ZMYND8: variants seen among roughly 807,000 people sequenced by gnomAD.
The protein encoded by ZMYND8 is MYND-type zinc finger-containing chromatin reader ZMYND8.
ZMYND8 carries 37 observed loss-of-function variants against 140.8 expected under a neutral mutation model. That is an observed-to-expected ratio of 0.26 (90% CI 0.20 to 0.35). The LOEUF (loss-of-function observed/expected upper bound fraction) is 0.35, where lower values mean the gene tolerates loss of function less well. ZMYND8 is among the 10% of genes least tolerant of loss of function. The pLI, the probability that ZMYND8 is intolerant of heterozygous loss-of-function variation, is 1.00. For synonymous variants in ZMYND8, 592 were observed against 597.1 expected (o/e 0.99, Z 0.12); for missense variants, 1,068 against 1,570.0 (o/e 0.68, Z 5.40).
At chr20:47,313,123 G>A (rs1000831122) in intron 2 of ZMYND8, among the ~76,000 whole-genome samples, 1 of 151,832 alleles carries the variant, frequency 6.6e-6, no homozygotes, top group African/African-American at 2.4e-5. Flanking sequence ...CCAGCACTTT[G>A]AGAGGCCGAG....
intron 19 of ZMYND8, among the ~76,000 whole-genome samples, chr20:47,222,848 G>A (rs556643596): frequency 6.6e-6 from 1 of 152,358 alleles, no homozygotes; most frequent in Admixed American, 6.5e-5. Flanking sequence ...AGCTAGTGCT[G>A]CCTGTTTTAT....
intron 17 of ZMYND8, 122 bp from the exon 18 acceptor site, chr20:47,227,403 T>C (rs1262690997): frequency 3.3e-6 from 3 of 911,738 alleles, no homozygotes; most frequent in South Asian, 2.9e-5. Context: ...CCCACAGCTA[T>C]AGTCCAGAGA....
chr20:47,315,113 GA>G (rs953291620), intron 2 of ZMYND8, among the ~76,000 whole-genome samples: 10 of 151,580 alleles, frequency 6.6e-5, no homozygotes, highest in East Asian at 3.9e-4. Flanking sequence ...GAGAAAGTGG[GA>G]AAAAAAATCA....
chr20:47,293,175 G>GCA (rs2077403927), intron 5 of ZMYND8, among the ~76,000 whole-genome samples: 1 of 31,330 alleles, frequency 3.2e-5, no homozygotes, highest in African/African-American at 1.8e-4. Flanking sequence ...AGGGAGGGAG[G>GCA]GAGGGAGGGA....
chr20:47,218,171 C>T (rs1480515072), intron 21 of ZMYND8, among the ~76,000 whole-genome samples: 3 of 152,218 alleles, frequency 2.0e-5, no homozygotes, highest in East Asian at 3.8e-4. Context: ...GGTAATACTC[C>T]TCCAGCTCAG....
At chr20:47,212,474 C>T (rs1354322942) in intron 22 of ZMYND8, among the ~76,000 whole-genome samples, 168 bp downstream of exon 22, 2 of 152,168 alleles carry the variant, frequency 1.3e-5, no homozygotes, top group African/African-American at 4.8e-5. Flanking sequence ...TTTGTGATGG[C>T]GACCAGAGGC....
chr20:47,331,633 G>C (rs954440276), intron 2 of ZMYND8, among the ~76,000 whole-genome samples: 5 of 152,074 alleles, frequency 3.3e-5, no homozygotes, highest in African/African-American at 4.8e-5. Flanking sequence ...AGCAACTCCA[G>C]CATTTAATGG....
chr20:47,238,998 C>T lies in ZMYND8; in HGVS notation c.2425G>A (p.Ala809Thr). 1 of 1,608,192 alleles carries T rather than the reference C, an allele frequency of 6.2e-7. No homozygotes were observed. ...TSTSSTVTVTAPAPAATGSPV... is the reference protein window; with the variant it reads ...TSTSSTVTVTTPAPAATGSPV... The stretch of plus-strand genomic sequence containing the variant: ...CTTCCTGTGGCGGCGGGGGCCGGGG[C>T]CGTGACGGTGACCGTGGAGGACGTG... The change falls in exon 15 of 23, where the codon GCC becomes ACC. Residue 809 changes from alanine (A) to threonine (T), a missense_variant. Around this residue, in one of 10 missense-constraint regions of ZMYND8, gnomAD observed 383 missense variants for 431.2 expected, o/e 0.89. Coordinates refer to ENST00000471951, the MANE Select transcript of ZMYND8 (RefSeq NM_001281775.3).
At chr20:47,257,029 G>A (rs2074786657) in intron 12 of ZMYND8, among the ~76,000 whole-genome samples, 1 of 152,104 alleles carries the variant, frequency 6.6e-6, no homozygotes, top group Non-Finnish European at 1.5e-5. Flanking sequence ...AAAGGACCGG[G>A]CCCACCTCTT....
chr20:47,283,676 G>A (rs760053257), intron 8 of ZMYND8, 28 bp from the exon 9 acceptor site: 2 of 1,606,716 alleles, frequency 1.2e-6, no homozygotes, highest in East Asian at 4.5e-5. Context: ...ATTAGAATGT[G>A]TCACCCCAGG....
intron 3 of ZMYND8, 22 bp downstream of exon 3, chr20:47,310,034 C>T (rs754190102): frequency 1.2e-6 from 2 of 1,614,072 alleles, no homozygotes; most frequent in South Asian, 1.1e-5. Context: ...AGTGAGGACA[C>T]CGTTCCCAGC....
Position 47,308,146 on chromosome 20 carries a change from G to T in ZMYND8, c.234+1910C>A, listed in dbSNP as rs148938496. Among the ~76,000 whole-genome samples the T allele has an allele frequency of 4.1e-5, 6 of 145,066 alleles. No homozygotes were observed. The East Asian group carries it at 1.2e-3, about 29-fold the overall frequency. On this transcript the variant is annotated intron_variant, in intron 3 of 22. Coordinates refer to ENST00000471951, the MANE Select transcript of ZMYND8 (RefSeq NM_001281775.3). ...AAAAAAAAAAAAATTGAAAAACTCAGTTCCTCAGTCACTTGCCATTTTCAA... is the reference window on the plus strand; with the variant it reads ...AAAAAAAAAAAAATTGAAAAACTCATTTCCTCAGTCACTTGCCATTTTCAA...
Position 47,261,550 on chromosome 20 carries a change from T to TATC in ZMYND8, c.1621+735_1621+737dup, listed in dbSNP as rs10563094. Among the ~76,000 whole-genome samples, 627 of 118,692 alleles carry TATC rather than the reference T, an allele frequency of 5.3e-3. 1 individual carries two copies. Among genetic ancestry groups the TATC allele is most frequent in the East Asian group, 0.02 (72 of 3,582 alleles). The allele number at this position is 118,692 out of a possible 152,430, so 77.9% of individuals were successfully genotyped here. A position where few individuals can be genotyped will look rare whatever the true frequency, so the allele number is the denominator to read the frequency against. ...GAGACCCCATCTCTAAAAAAACAGT[T>TATC]ATCATCATCATCATCATCATCATCA... On this transcript the variant is annotated intron_variant, in intron 12 of 22. Coordinates refer to ENST00000471951, the MANE Select transcript of ZMYND8 (RefSeq NM_001281775.3).
intron 14 of ZMYND8, 116 bp from the exon 15 acceptor site, chr20:47,239,254 C>A: frequency 7.4e-7 from 1 of 1,355,156 alleles, no homozygotes; most frequent in Non-Finnish European, 9.7e-7. Context: ...AATGCCGAAC[C>A]AATTCGACGT....
intron 3 of ZMYND8, among the ~76,000 whole-genome samples, chr20:47,307,615 G>T (rs2078594872): frequency 6.6e-6 from 1 of 152,072 alleles, no homozygotes; most frequent in African/African-American, 2.4e-5. Context: ...CACGCCAGAG[G>T]TCAGGAGTTC....
intron 2 of ZMYND8, chr20:47,318,889 A>T (rs1253552889): frequency 8.0e-7 from 1 of 1,248,554 alleles, no homozygotes. Context: ...TTCACCAGGA[A>T]CATCAAGTAC....
intron 10 of ZMYND8, 116 bp from the exon 11 acceptor site, chr20:47,276,911 A>T (rs529845621): frequency 1.5e-3 from 160 of 104,450 alleles, no homozygotes; most frequent in African/African-American, 6.9e-3. Flanking sequence ...TTATTCTATT[A>T]AAAAAAAAAA....
Position 47,310,775 on chromosome 20 carries a change from G to C in ZMYND8, c.86-571C>G, listed in dbSNP as rs141169652. Among the ~76,000 whole-genome samples, 157 of 132,268 alleles carry C rather than the reference G, an allele frequency of 1.2e-3. 2 individuals carry two copies. The East Asian group carries it at 0.033, about 27-fold the overall frequency. The allele number at this position is 132,268 out of a possible 152,430, so 86.8% of individuals were successfully genotyped here. ...CACTCCAGCCTGGGGGACAGGGCAA[G>C]CCTCCGACGTGAAAAAAAAAAAAAA... On this transcript the variant is annotated intron_variant, in intron 2 of 22. Coordinates refer to ENST00000471951, the MANE Select transcript of ZMYND8 (RefSeq NM_001281775.3).
At chr20:47,269,034 T>C (rs1389159678) in intron 11 of ZMYND8, among the ~76,000 whole-genome samples, 1 of 151,898 alleles carries the variant, frequency 6.6e-6, no homozygotes, top group African/African-American at 2.4e-5. Flanking sequence ...AACCGCTCTC[T>C]ACTAAAAATA....
Sources: gnomAD v4.1 joint callset for allele counts (sites outside exome capture counted in the v4.1 genomes callset) on GRCh38, gnomAD v4.1.1 for gene constraint, gnomAD v4.1.1 regional missense constraint, MANE v1.5 for transcripts, NCBI Gene and HGNC (gene_info 2026-07-23, HGNC 2026-07-21) for gene names.